The following VWA5B1 variants were observed in gnomAD, a reference collection of about 807,000 sequenced individuals.
VWA5B1 encodes the protein von Willebrand factor A domain containing 5B1, also known as von Willebrand factor A domain-containing protein 5B1.
VWA5B1 carries 115 observed loss-of-function variants against 118.2 expected under a neutral mutation model. The ratio of observed to expected loss-of-function variants is 0.97; its 90% confidence interval spans 0.84 to 1.14. The LOEUF (loss-of-function observed/expected upper bound fraction) is 1.14. VWA5B1 is among the 50% of genes most tolerant of loss of function. The probability of loss-of-function intolerance (pLI) is 0.00; values close to 1 mark genes in which losing one functional copy is unlikely to be tolerated. For missense variants in VWA5B1, 1,596 were observed against 1,603.8 expected, an observed-to-expected ratio of 1.00 and a Z score of 0.08; for synonymous variants, 682 against 658.4, an observed-to-expected ratio of 1.04 and a Z score of -0.55.
intron 14 of VWA5B1, chr1:20,339,245 A>G (rs2089809336): frequency 6.6e-6 from 1 of 152,176 alleles, no homozygotes; most frequent in Admixed American, 6.5e-5. Context: ...CATCCATTTT[A>G]TTAAGAATGG....
chr1:20,310,656 G>C lies in VWA5B1; in HGVS notation c.55G>C (p.Asp19His), dbSNP rs778464418. The change falls in exon 2 of 22, where the codon GAT (aspartate) becomes CAT (histidine). Residue 19 changes from aspartate to histidine, a missense_variant. Physicochemically the swap from Asp to His is moderately conservative, Grantham distance 81. Transcript: ENST00000289815. ...TGAALPLTAS[D>H]VTSCVSGYAL... The stretch of plus-strand genomic sequence containing the variant: ...GGCAGCCCTGCCCCTCACCGCGTCT[G>C]ATGTTACCTCCTGTGTCAGCGGTTA... The C allele has an allele frequency of 2.9e-5, 45 of 1,551,026 alleles. No homozygotes were observed. Among genetic ancestry groups the C allele is most frequent in the Non-Finnish European group, 8.7e-6 (10 of 1,146,754 alleles).
At position 20,345,100 on chromosome 1, in the gene VWA5B1, G is replaced by T. The variant is rs945912738; in HGVS notation, c.2627-356G>T. Among the ~76,000 whole-genome samples the T allele has an allele frequency of 3.9e-5, 6 of 152,308 alleles. No individual in the cohort carries two copies. In the East Asian group the frequency reaches 5.8e-4, roughly 15 times the overall value. On this transcript the variant is annotated intron_variant, in intron 16 of 21. Coordinates refer to ENST00000289815, the MANE Select transcript of VWA5B1 (RefSeq NM_001039500.3). ...GGCACCTGTGAAGTTTTACGGCAAC[G>T]TTCCCATTAGACATCTGCAAAATTA...
intron 1 of VWA5B1, among the ~76,000 whole-genome samples, chr1:20,294,775 G>C (rs1241173896): frequency 1.3e-5 from 2 of 152,168 alleles, no homozygotes; most frequent in East Asian, 1.9e-4. Context: ...TTTTAGTAGA[G>C]ACGGGGTTTC....
At chr1:20,298,497 C>T (rs1003948257) in intron 1 of VWA5B1, among the ~76,000 whole-genome samples, 4 of 151,542 alleles carry the variant, frequency 2.6e-5, no homozygotes, top group African/African-American at 9.7e-5. Context: ...CCCACCTTCC[C>T]CTACACAGGG....
intron 14 of VWA5B1, 86 bp downstream of exon 14, chr1:20,337,922 G>A: frequency 1.3e-6 from 2 of 1,515,156 alleles, no homozygotes; most frequent in Non-Finnish European, 1.8e-6. Flanking sequence ...CGCAGGACGT[G>A]GCCATCCACA....
intron 1 of VWA5B1, chr1:20,302,973 G>A (rs576393946): frequency 6.6e-6 from 1 of 152,358 alleles, no homozygotes; most frequent in East Asian, 1.9e-4. Context: ...GCTGGATATA[G>A]GCCTACGCGG....
intron 1 of VWA5B1, among the ~76,000 whole-genome samples, chr1:20,302,734 G>C (rs12408023): frequency 0.23 from 34,518 of 152,066 alleles, 4,454 homozygotes; most frequent in East Asian, 0.4. Context: ...GGCAATGCAG[G>C]ACCCCGAGAA....
At chr1:20,311,613 C>T (rs1456844028) in intron 2 of VWA5B1, among the ~76,000 whole-genome samples, 2 of 152,206 alleles carry the variant, frequency 1.3e-5, no homozygotes, top group Non-Finnish European at 2.9e-5. Flanking sequence ...AAACTCCTCT[C>T]CTTCCACTTC....
intron 14 of VWA5B1, chr1:20,338,208 C>G: frequency 2.4e-6 from 1 of 409,088 alleles, no homozygotes; most frequent in Non-Finnish European, 4.9e-6. Flanking sequence ...CAAGGTCACA[C>G]AGCCAGTCAG....
rs1451467595 is a variant in VWA5B1 at position 20,357,267 on chromosome 1, T to C, written c.*3004T>C. On this transcript the variant is annotated 3_prime_UTR_variant, in exon 22 of 22. Coordinates refer to ENST00000289815, the MANE Select transcript of VWA5B1 (RefSeq NM_001039500.3). ...AAATTACTTGCTTTCTCTGAACCCC[T>C]GTTTCATCTTTTGTGGAATGACGGG... is the stretch of plus-strand genomic sequence containing the variant. 6.6e-6 allele frequency among the ~76,000 whole-genome samples: 1 copy of C among 152,114 alleles called. No individual in the cohort carries two copies. The highest frequency in any genetic ancestry group is 1.5e-5 in the Non-Finnish European group (1 of 67,960).
intron 16 of VWA5B1, 73 bp downstream of exon 16, chr1:20,343,466 C>G (rs1477369833): frequency 2.1e-6 from 3 of 1,444,850 alleles, no homozygotes; most frequent in Non-Finnish European, 1.8e-6. Flanking sequence ...GCCGCTCCCC[C>G]TTCCCCACCC....
At chr1:20,291,302 T>C (rs1314467974) in intron 1 of VWA5B1, among the ~76,000 whole-genome samples, 1 of 151,600 alleles carries the variant, frequency 6.6e-6, no homozygotes, top group Admixed American at 6.6e-5. Context: ...TGAGGGAGCA[T>C]GGCCACATGT....
chr1:20,325,859 T>C (rs563855101), intron 8 of VWA5B1, among the ~76,000 whole-genome samples: 1 of 152,242 alleles, frequency 6.6e-6, no homozygotes, highest in South Asian at 2.1e-4. Flanking sequence ...GTTGCTTGGG[T>C]CCTTAATTGT....
intron 1 of VWA5B1, among the ~76,000 whole-genome samples, chr1:20,299,097 T>A (rs777155645): frequency 2.0e-5 from 3 of 152,336 alleles, no homozygotes; most frequent in Middle Eastern, 3.4e-3. Context: ...ATCATACACA[T>A]AACTTTCTTA....
intron 20 of VWA5B1, among the ~76,000 whole-genome samples, chr1:20,351,690 G>A (rs965629775): frequency 2.0e-5 from 3 of 152,006 alleles, no homozygotes; most frequent in Admixed American, 6.6e-5. Flanking sequence ...AGACATGGGT[G>A]TGTGCCTGTA....
intron 12 of VWA5B1, 133 bp downstream of exon 12, chr1:20,333,084 T>A: frequency 8.6e-7 from 1 of 1,161,402 alleles, no homozygotes; most frequent in Non-Finnish European, 1.2e-6. Context: ...GGTTTACAGT[T>A]TTCCCAGTTG....
In VWA5B1 at chr1:20,356,906, T is replaced by G. The variant is rs72647059; in HGVS notation, c.*2643T>G. On this transcript the variant is annotated 3_prime_UTR_variant, in exon 22 of 22. Coordinates refer to ENST00000289815, the MANE Select transcript of VWA5B1 (RefSeq NM_001039500.3). ...TACCGGGACTGCTAGGCAGAGGACC[T>G]AGGGGACTCGCTTTAAGGAAAAGAT... is the stretch of plus-strand genomic sequence containing the variant. Among the ~76,000 whole-genome samples the G allele has an allele frequency of 1.9e-4, 29 of 152,326 alleles. No homozygotes were observed. The highest frequency in any genetic ancestry group is 4.0e-4 in the Non-Finnish European group (27 of 68,030).
At chr1:20,317,790 A>G in intron 5 of VWA5B1, 115 bp downstream of exon 5, 1 of 1,297,928 alleles carries the variant, frequency 7.7e-7, no homozygotes. Context: ...CAGACCTACT[A>G]AAGTACACAA....
At chr1:20,305,086 G>A (rs745651833) in intron 1 of VWA5B1, among the ~76,000 whole-genome samples, 9 of 152,116 alleles carry the variant, frequency 5.9e-5, no homozygotes, top group African/African-American at 1.9e-4. Context: ...ACCTTGGAGC[G>A]TTGGGAGACA....
Sources: allele counts gnomAD v4.1 joint callset (sites outside exome capture counted in the v4.1 genomes callset), GRCh38; gene constraint gnomAD v4.1.1; transcripts MANE v1.5; gene names NCBI Gene and HGNC (gene_info 2026-07-23, HGNC 2026-07-21).